Variants in GRID2 observed in about 807,000 individuals in gnomAD.
GRID2 encodes glutamate ionotropic receptor delta type subunit 2, also known as glutamate receptor ionotropic, delta-2.
GRID2 carries 33 observed loss-of-function variants against 114.8 expected under a neutral mutation model. That is an observed-to-expected ratio of 0.29 (90% CI 0.22 to 0.38). The LOEUF (loss-of-function observed/expected upper bound fraction) is 0.38, where lower values mean the gene tolerates loss of function less well. Among genes scored for constraint, GRID2 ranks in the 10% least tolerant of loss-of-function variants. The pLI is 1.00. For missense variants in GRID2, 1,184 were observed against 1,257.7 expected, an observed-to-expected ratio of 0.94 and a Z score of 0.89; for synonymous variants, 505 against 449.9, an observed-to-expected ratio of 1.12 and a Z score of -1.55.
chr4:93,133,599 A>G (rs1382706252), intron 4 of GRID2, among the ~76,000 whole-genome samples: 2 of 152,144 alleles, frequency 1.3e-5, no homozygotes, highest in African/African-American at 4.8e-5. Flanking sequence ...TTATCTCACT[A>G]TTGCCATGAA....
At chr4:93,107,763 G>C (rs1243410062) in intron 3 of GRID2, among the ~76,000 whole-genome samples, 1 of 151,946 alleles carries the variant, frequency 6.6e-6, no homozygotes, top group Non-Finnish European at 1.5e-5. Context: ...CAAAGTGCTG[G>C]GGTTTCAGAC....
At chr4:92,737,633 A>G (rs912122689) in intron 2 of GRID2, among the ~76,000 whole-genome samples, 6 of 152,150 alleles carry the variant, frequency 3.9e-5, no homozygotes, top group Non-Finnish European at 8.8e-5. Flanking sequence ...TCAATTAGTC[A>G]TTGCAATAAC....
chr4:93,140,033 A>AG (rs1298977052), intron 4 of GRID2, among the ~76,000 whole-genome samples: 5 of 152,204 alleles, frequency 3.3e-5, no homozygotes, highest in Non-Finnish European at 7.3e-5. Flanking sequence ...AAATAGATAT[A>AG]TGCAAACAAA....
At chr4:93,661,356 G>A (rs575622709) in intron 14 of GRID2, among the ~76,000 whole-genome samples, 25 of 152,216 alleles carry the variant, frequency 1.6e-4, no homozygotes, top group African/African-American at 5.8e-4. Flanking sequence ...TTTTTTCAGT[G>A]TCATGTTTTT....
At chr4:93,396,316 A>G (rs1038725053) in intron 9 of GRID2, among the ~76,000 whole-genome samples, 3 of 151,998 alleles carry the variant, frequency 2.0e-5, no homozygotes, top group African/African-American at 7.2e-5. Context: ...TGAATGTTGA[A>G]TAGGATTACA....
At chr4:92,358,988 T>TATGTTGCC (rs1728476676) in intron 1 of GRID2, among the ~76,000 whole-genome samples, 1 of 151,930 alleles carries the variant, frequency 6.6e-6, no homozygotes, top group African/African-American at 2.4e-5. Context: ...ACAGAAAGCC[T>TATGTTGCC]TACATAGGCA....
At position 92,590,168 on chromosome 4, in the gene GRID2, G is replaced by A. The variant is rs1169227728; in HGVS notation, c.126G>A (p.Glu42=). The A allele has an allele frequency of 6.2e-7, 1 of 1,611,984 alleles. No homozygotes were observed. The change falls in exon 2 of 16, where the codon GAG becomes GAA. Residue 42 remains glutamate (E), a synonymous_variant. Coordinates refer to ENST00000282020, the MANE Select transcript of GRID2 (RefSeq NM_001510.4). ...ATGAATCTGCCAAAAAGGATGATGA[G>A]GTATTTCGCACTGCGGTTGGTGACC... ...IFDESAKKDD[E]VFRTAVGDLN...
At chr4:93,783,075 G>T (rs1485890160) in intron 1 of GRID2, among the ~76,000 whole-genome samples, 1 of 152,198 alleles carries the variant, frequency 6.6e-6, no homozygotes, top group Non-Finnish European at 1.5e-5. Flanking sequence ...TCCTCAATAA[G>T]AATTATTTCA....
intron 2 of GRID2, among the ~76,000 whole-genome samples, chr4:92,922,347 T>C (rs1749430328): frequency 1.3e-5 from 2 of 152,122 alleles, no homozygotes; most frequent in African/African-American, 4.8e-5. Context: ...CACTGCACCC[T>C]CTGTCCTGCA....
Position 93,769,279 on chromosome 4 carries a change from G to T in GRID2, c.2430G>T (p.Gln810His), listed in dbSNP as rs757618780. ...LKHKWWPKNG[Q>H]CDLYSSVDTK... is the part of the protein sequence containing the mutation. ...ACAAATGGTGGCCTAAGAATGGCCA[G>T]TGTGACCTGTACTCGTCAGTGGACA... Residue 810 changes from glutamine to histidine, a missense_variant, in exon 15 of 16, where the codon CAG (glutamine) becomes CAT (histidine). Gln to His is a conservative substitution (Grantham distance 24, BLOSUM62 0). Coordinates refer to ENST00000282020, the MANE Select transcript of GRID2 (RefSeq NM_001510.4). The T allele has an allele frequency of 4.3e-6, 7 of 1,613,834 alleles. No homozygotes were observed. The highest frequency in any genetic ancestry group is 8.5e-7 in the Non-Finnish European group (1 of 1,179,806).
chr4:93,264,757 G>T (rs867017955), intron 8 of GRID2, among the ~76,000 whole-genome samples: 15 of 136,870 alleles, frequency 1.1e-4, no homozygotes, highest in Admixed American at 3.0e-4. Context: ...TCATTTGAAT[G>T]ATATATATAT....
At chr4:93,453,224 A>C (rs1329207579) in intron 10 of GRID2, among the ~76,000 whole-genome samples, 1 of 151,100 alleles carries the variant, frequency 6.6e-6, no homozygotes, top group Non-Finnish European at 1.5e-5. Context: ...CCACATACTC[A>C]TTATCCATTA....
At chr4:93,406,698 A>C (rs886254983) in intron 9 of GRID2, among the ~76,000 whole-genome samples, 1 of 152,138 alleles carries the variant, frequency 6.6e-6, no homozygotes, top group African/African-American at 2.4e-5. Flanking sequence ...ATCGATAGAA[A>C]TTTAGGTGAA....
At chr4:93,083,521 G>A (rs988973103) in intron 2 of GRID2, among the ~76,000 whole-genome samples, 6 of 151,488 alleles carry the variant, frequency 4.0e-5, no homozygotes, top group Admixed American at 6.6e-5. Context: ...GTGAAACTCC[G>A]TCTCTACTAA....
rs575478864 is a variant in GRID2 at position 92,795,042 on chromosome 4, T to G, written c.244+204756T>G. On this transcript the variant is annotated intron_variant, in intron 2 of 15. Transcript: ENST00000282020. The stretch of plus-strand genomic sequence containing the variant: ...AAGTGGTAGTGAATCATTATTAAAG[T>G]CTTCATTCTCATCATCTTCACATTG... Among the ~76,000 whole-genome samples the G allele has an allele frequency of 3.3e-5, 5 of 151,470 alleles. No homozygotes were observed. In the East Asian group the frequency reaches 9.8e-4, roughly 30 times the overall value.
At chr4:92,781,363 G>A (rs1042524669) in intron 2 of GRID2, among the ~76,000 whole-genome samples, 1 of 152,080 alleles carries the variant, frequency 6.6e-6, no homozygotes, top group Non-Finnish European at 1.5e-5. Flanking sequence ...TTTCAAATGT[G>A]TGGATACAAA....
rs1729419969 is a variant in GRID2 at position 93,077,248 on chromosome 4, CAA to C, written c.245-7744_245-7743del. 2.0e-5 allele frequency among the ~76,000 whole-genome samples: 3 copies of C among 152,170 alleles called. No homozygotes were observed. The South Asian group carries it at 6.2e-4, about 32-fold the overall frequency. On this transcript the variant is annotated intron_variant, in intron 2 of 15. Coordinates refer to ENST00000282020, the MANE Select transcript of GRID2 (RefSeq NM_001510.4). ...AGTTGAGATGGAGGAGCATGGGAAACAAAAGTGAAGAAATAATCGAAGATGAC... is the reference window on the plus strand; with the variant it reads ...AGTTGAGATGGAGGAGCATGGGAAACAAGTGAAGAAATAATCGAAGATGAC...
At chr4:92,447,760 G>A (rs972186295) in intron 1 of GRID2, among the ~76,000 whole-genome samples, 12 of 152,182 alleles carry the variant, frequency 7.9e-5, no homozygotes, top group African/African-American at 2.7e-4. Context: ...CATGTTGGAA[G>A]AAGCAAGCTA....
In GRID2 at chr4:93,736,462, A is replaced by G. The variant is rs188866948; in HGVS notation, c.2361-32748A>G. Among the ~76,000 whole-genome samples, 234 of 152,158 alleles carry G rather than the reference A, an allele frequency of 1.5e-3. 2 individuals carry two copies. The highest frequency in any genetic ancestry group is 0.014 in the Admixed American group (215 of 15,244). On this transcript the variant is annotated intron_variant, in intron 14 of 15. Transcript: ENST00000282020. Reference sequence around the variant, plus strand: ...TAACAATAATATAGTCAAACTTTAAATCAAGCATTCTGGCTTCTGAGACTA... The same window carrying G: ...TAACAATAATATAGTCAAACTTTAAGTCAAGCATTCTGGCTTCTGAGACTA...
Sources: allele counts gnomAD v4.1 joint callset (sites outside exome capture counted in the v4.1 genomes callset), GRCh38; gene constraint gnomAD v4.1.1; transcripts MANE v1.5; gene names NCBI Gene and HGNC (gene_info 2026-07-23, HGNC 2026-07-21).